TDRD3: variants seen among roughly 807,000 people sequenced by gnomAD.
The protein encoded by TDRD3 is tudor domain containing 3.
In TDRD3, 45 loss-of-function variants were observed where a neutral mutation model predicts 86.7. The ratio of observed to expected loss-of-function variants is 0.52; its 90% CI spans 0.41 to 0.67. The LOEUF is 0.67. Among genes scored for constraint, TDRD3 ranks in the 30% least tolerant of loss-of-function variants. TDRD3 has a pLI of 0.00. For synonymous variants in TDRD3, 298 were observed against 301.7 expected (o/e 0.99, Z 0.13); for missense variants, 814 against 889.0 (o/e 0.92, Z 1.07).
intron 10 of TDRD3, among the ~76,000 whole-genome samples, chr13:60,528,149 A>T (rs1002364737): frequency 3.3e-5 from 5 of 152,166 alleles, no homozygotes; most frequent in Non-Finnish European, 5.9e-5. Context: ...CCCTTTTACT[A>T]CTTTACTTTA....
At chr13:60,566,838 A>G (rs946294370) in intron 12 of TDRD3, among the ~76,000 whole-genome samples, 3 of 152,168 alleles carry the variant, frequency 2.0e-5, no homozygotes, top group Non-Finnish European at 1.5e-5. Context: ...TAATTTCCCT[A>G]TGCTACTCCT....
At chr13:60,501,291 G>A (rs1186731147) in intron 8 of TDRD3, among the ~76,000 whole-genome samples, 1 of 152,112 alleles carries the variant, frequency 6.6e-6, no homozygotes, top group Non-Finnish European at 1.5e-5. Flanking sequence ...AACAGCTAGG[G>A]CTCCTCCTAG....
chr13:60,455,350 A>G (rs973078905), intron 3 of TDRD3, among the ~76,000 whole-genome samples: 3 of 152,232 alleles, frequency 2.0e-5, no homozygotes, highest in Non-Finnish European at 4.4e-5. Flanking sequence ...TATAGGCAGA[A>G]TTAGTATTTC....
chr13:60,409,619 G>T (rs938888703), intron 1 of TDRD3, among the ~76,000 whole-genome samples: 4 of 152,142 alleles, frequency 2.6e-5, no homozygotes, highest in South Asian at 4.2e-4. Flanking sequence ...CCTGGGCCCT[G>T]TAACCCCTTT....
Position 60,422,053 on chromosome 13 carries a change from G to C in TDRD3, c.42-17635G>C, listed in dbSNP as rs113871667. On this transcript the variant is annotated intron_variant, in intron 1 of 13. Coordinates refer to ENST00000377881, the MANE Select transcript of TDRD3 (RefSeq NM_001146070.2). ...ATGCCATATAAAGGAATTGGTGTGT[G>C]AATTAAAGGGATAGATTCTATTTAA... 3.4e-3 allele frequency among the ~76,000 whole-genome samples: 514 copies of C among 152,290 alleles called. 4 individuals carry two copies. The highest frequency in any genetic ancestry group is 0.012 in the African/African-American group (490 of 41,552).
At chr13:60,478,934 G>A (rs1956255550) in intron 5 of TDRD3, among the ~76,000 whole-genome samples, 1 of 150,944 alleles carries the variant, frequency 6.6e-6, no homozygotes, top group Non-Finnish European at 1.5e-5. Context: ...CTCCTAAGTA[G>A]CTGGAACTAC....
At chr13:60,542,415 G>A (rs1055770282) in intron 12 of TDRD3, among the ~76,000 whole-genome samples, 1 of 152,008 alleles carries the variant, frequency 6.6e-6, no homozygotes, top group Non-Finnish European at 1.5e-5. Flanking sequence ...TAAAAATTTT[G>A]TACAAATTGA....
chr13:60,397,418 T>A lies in TDRD3; in HGVS notation c.41+13T>A, dbSNP rs1301927575. The A allele has an allele frequency of 1.3e-6, 2 of 1,483,208 alleles. No individual in the cohort carries two copies. The highest frequency in any genetic ancestry group is 2.9e-5 in the African/African-American group (2 of 68,756). 91.9% of individuals were successfully genotyped at this position (1,483,208 alleles called of 1,614,324 possible). ...CCCAGGCGGGTTGGTAAGTGGCGAGTCCCGCCGGCTGCCGGGCCGCGGGTG... is the reference window on the plus strand; with the variant it reads ...CCCAGGCGGGTTGGTAAGTGGCGAGACCCGCCGGCTGCCGGGCCGCGGGTG... On this transcript the variant is annotated intron_variant, in intron 1 of 13. Coordinates refer to ENST00000377881, the MANE Select transcript of TDRD3 (RefSeq NM_001146070.2).
chr13:60,554,845 T>C (rs965016767), intron 12 of TDRD3, among the ~76,000 whole-genome samples: 5 of 152,106 alleles, frequency 3.3e-5, no homozygotes, highest in Admixed American at 6.6e-5. Flanking sequence ...TGTAATCAGT[T>C]CCCCCAACCT....
intron 11 of TDRD3, among the ~76,000 whole-genome samples, chr13:60,534,461 A>G (rs186101357): frequency 1.5e-3 from 235 of 152,322 alleles, no homozygotes; most frequent in African/African-American, 5.3e-3. Flanking sequence ...CTTTAATCCT[A>G]TAAATACTGG....
At chr13:60,567,504 A>T (rs1377796905) in intron 12 of TDRD3, 21 bp from the exon 13 acceptor site, 1 of 1,614,070 alleles carries the variant, frequency 6.2e-7, no homozygotes. Flanking sequence ...AACATGTAAA[A>T]TCACTACTCT....
intron 6 of TDRD3, 64 bp from the exon 7 acceptor site, chr13:60,485,731 ACTTT>A: frequency 7.9e-7 from 1 of 1,272,190 alleles, no homozygotes. Context: ...AAGAAGTATT[ACTTT>A]CTAACGAAAA....
At chr13:60,500,604 G>A (rs1300654933) in intron 8 of TDRD3, among the ~76,000 whole-genome samples, 3 of 152,198 alleles carry the variant, frequency 2.0e-5, no homozygotes, top group Admixed American at 6.5e-5. Flanking sequence ...ACTTCAAGCA[G>A]TGCACCTAGT....
intron 5 of TDRD3, among the ~76,000 whole-genome samples, chr13:60,468,876 C>T (rs1956012673): frequency 6.6e-6 from 1 of 152,136 alleles, no homozygotes; most frequent in South Asian, 2.1e-4. Flanking sequence ...ACTCCTCGAG[C>T]TGAAATGTAT....
intron 10 of TDRD3, among the ~76,000 whole-genome samples, chr13:60,525,955 G>A (rs1957421917): frequency 6.6e-6 from 1 of 152,134 alleles, no homozygotes; most frequent in Non-Finnish European, 1.5e-5. Context: ...ATTCTAAATT[G>A]TAGATTAGGA....
intron 3 of TDRD3, among the ~76,000 whole-genome samples, chr13:60,459,674 G>A (rs907084733): frequency 1.3e-5 from 2 of 152,210 alleles, no homozygotes; most frequent in African/African-American, 4.8e-5. Context: ...AGGCTGCAGT[G>A]CAATGGCTTG....
chr13:60,429,792 C>T (rs1954908161), intron 1 of TDRD3, among the ~76,000 whole-genome samples: 1 of 151,564 alleles, frequency 6.6e-6, no homozygotes, highest in Admixed American at 6.6e-5. Context: ...GAAGAAATTC[C>T]CTTTATCATT....
intron 8 of TDRD3, among the ~76,000 whole-genome samples, chr13:60,495,720 G>A (rs879286293): frequency 6.6e-5 from 10 of 151,990 alleles, no homozygotes; most frequent in Admixed American, 3.3e-4. Context: ...CCGCTTCTTC[G>A]GCCTCCCAAG....
At chr13:60,515,042 A>C (rs570556229) in intron 10 of TDRD3, among the ~76,000 whole-genome samples, 1 of 152,350 alleles carries the variant, frequency 6.6e-6, no homozygotes, top group African/African-American at 2.4e-5. Context: ...TGTGTGAGAC[A>C]GAAGAAGTCA....
Sources: allele counts gnomAD v4.1 joint callset (sites outside exome capture counted in the v4.1 genomes callset), GRCh38; gene constraint gnomAD v4.1.1; transcripts MANE v1.5; gene names NCBI Gene and HGNC (gene_info 2026-07-23, HGNC 2026-07-21).